The following SIPA1L1 variants were observed in gnomAD, a reference collection of about 807,000 sequenced individuals.
SIPA1L1 encodes signal-induced proliferation-associated 1-like protein 1.
In SIPA1L1, 26 loss-of-function variants were observed where a neutral mutation model predicts 162.7. The ratio of observed to expected loss-of-function variants is 0.16; its 90% CI spans 0.12 to 0.22. SIPA1L1 has a LOEUF of 0.22. Among genes scored for constraint, SIPA1L1 ranks in the 10% least tolerant of loss-of-function variants. The pLI, the probability that SIPA1L1 is intolerant of heterozygous loss-of-function variation, is 1.00. For missense variants in SIPA1L1, 1,874 were observed against 2,241.0 expected (o/e 0.84, Z 3.31); for synonymous variants, 829 against 837.4 (o/e 0.99, Z 0.17).
chr14:71,543,209 T>C (rs2054633657), intron 4 of SIPA1L1, among the ~76,000 whole-genome samples: 1 of 152,224 alleles, frequency 6.6e-6, no homozygotes, highest in Non-Finnish European at 1.5e-5. Context: ...CCCATCACTC[T>C]TTTTTATCTT....
chr14:71,602,840 T>C (rs905829077), intron 5 of SIPA1L1, among the ~76,000 whole-genome samples: 3 of 152,218 alleles, frequency 2.0e-5, no homozygotes, highest in Non-Finnish European at 2.9e-5. Context: ...GAACTGCACA[T>C]GCGAGGGATC....
chr14:71,502,364 G>A (rs1003197582), intron 2 of SIPA1L1, among the ~76,000 whole-genome samples: 5 of 149,994 alleles, frequency 3.3e-5, no homozygotes, highest in African/African-American at 7.4e-5. Context: ...TCAGCCTCCC[G>A]AGTAGCTGAG....
At chr14:71,511,949 T>C (rs1040702378) in intron 2 of SIPA1L1, among the ~76,000 whole-genome samples, 4 of 152,194 alleles carry the variant, frequency 2.6e-5, no homozygotes, top group African/African-American at 9.7e-5. Context: ...TACCCCACGA[T>C]ATGCATCTTC....
intron 13 of SIPA1L1, among the ~76,000 whole-genome samples, chr14:71,696,376 T>C (rs911441629): frequency 4.6e-5 from 7 of 152,268 alleles, no homozygotes; most frequent in African/African-American, 1.4e-4. Context: ...ATATGTAAGA[T>C]GGATGATACT....
At chr14:71,623,672 C>A (rs2039676103) in intron 6 of SIPA1L1, among the ~76,000 whole-genome samples, 2 of 152,164 alleles carry the variant, frequency 1.3e-5, no homozygotes, top group South Asian at 4.1e-4. Flanking sequence ...ATTTATTCTT[C>A]AGACATTGCT....
At chr14:71,610,866 C>T (rs1347943208) in intron 5 of SIPA1L1, among the ~76,000 whole-genome samples, 6 of 152,148 alleles carry the variant, frequency 3.9e-5, no homozygotes, top group African/African-American at 1.4e-4. Context: ...AATACATCAC[C>T]CCACTTTTTA....
chr14:71,683,358 G>T (rs1281426546), intron 12 of SIPA1L1, among the ~76,000 whole-genome samples: 5 of 152,166 alleles, frequency 3.3e-5, no homozygotes, highest in Non-Finnish European at 7.3e-5. Flanking sequence ...GATGTTCTTT[G>T]AGTTTACAAG....
At position 71,598,678 on chromosome 14, in the gene SIPA1L1, A is replaced by G. The variant is rs189079099; in HGVS notation, c.1498+9308A>G. 9.9e-4 allele frequency among the ~76,000 whole-genome samples: 151 copies of G among 152,298 alleles called. 1 individual carries two copies. The highest frequency in any genetic ancestry group is 1.6e-3 in the Admixed American group (25 of 15,302). Reference sequence around the variant, plus strand: ...CTGAATGGGATTGGGGGGATTGCACATAGTGGAAACACTGGTGAAATTCGA... The same window carrying G: ...CTGAATGGGATTGGGGGGATTGCACGTAGTGGAAACACTGGTGAAATTCGA... On this transcript the variant is annotated intron_variant, in intron 5 of 23. Coordinates refer to ENST00000381232, the MANE Select transcript of SIPA1L1 (RefSeq NM_001386936.1).
intron 2 of SIPA1L1, among the ~76,000 whole-genome samples, chr14:71,416,873 T>G (rs1402179175): frequency 6.6e-6 from 1 of 152,204 alleles, no homozygotes; most frequent in Non-Finnish European, 1.5e-5. Flanking sequence ...CTGAATTGAA[T>G]AAGCATACTT....
intron 3 of SIPA1L1, among the ~76,000 whole-genome samples, chr14:71,517,031 G>T (rs911132912): frequency 4.6e-5 from 7 of 151,980 alleles, no homozygotes; most frequent in African/African-American, 1.5e-4. Flanking sequence ...AGTGTGAATG[G>T]TGCTTTCTCA....
At chr14:71,671,762 A>G in intron 11 of SIPA1L1, 70 bp downstream of exon 11, 1 of 1,169,566 alleles carries the variant, frequency 8.6e-7, no homozygotes, top group Non-Finnish European at 1.2e-6. Flanking sequence ...GACTAGAGCC[A>G]AGTTACTGAA....
chr14:71,341,381 T>C (rs150712350), intron 2 of SIPA1L1, among the ~76,000 whole-genome samples: 2 of 152,364 alleles, frequency 1.3e-5, no homozygotes, highest in African/African-American at 2.4e-5. Context: ...TGTCATCTTG[T>C]CCTTGACTTC....
At chr14:71,696,159 A>C (rs1334575433) in intron 13 of SIPA1L1, among the ~76,000 whole-genome samples, 3 of 152,194 alleles carry the variant, frequency 2.0e-5, no homozygotes, top group Non-Finnish European at 2.9e-5. Context: ...GAGATCTGGC[A>C]ACCTAATTAC....
At chr14:71,409,933 G>C (rs2042290352) in intron 2 of SIPA1L1, among the ~76,000 whole-genome samples, 1 of 152,088 alleles carries the variant, frequency 6.6e-6, no homozygotes, top group African/African-American at 2.4e-5. Flanking sequence ...TGCTTTTTGG[G>C]CTGCCTTGTC....
In SIPA1L1 at chr14:71,590,021, TAAAAAAAAAAAAAAA is replaced by T. The variant is rs200463823; in HGVS notation, c.1498+661_1498+675del. The stretch of plus-strand genomic sequence containing the variant: ...CTAATCTTTTCTTTGAGTGGGAGAG[TAAAAAAAAAAAAAAA>T]AAAAAAAAATATATATATATATATA... On this transcript the variant is annotated intron_variant, in intron 5 of 23. Transcript: ENST00000381232. Among the ~76,000 whole-genome samples, 141 of 85,084 alleles carry T rather than the reference TAAAAAAAAAAAAAAA, an allele frequency of 1.7e-3. 1 individual carries two copies. Among genetic ancestry groups the T allele is most frequent in the East Asian group, 3.3e-3 (9 of 2,704 alleles). 55.8% of individuals were successfully genotyped at this position (85,084 alleles called of 152,430 possible).
At position 71,730,016 on chromosome 14, in the gene SIPA1L1, A is replaced by C. The variant is rs200562070; in HGVS notation, c.4615-39A>C. 5.6e-5 allele frequency: 90 copies of C among 1,595,092 alleles called. No homozygotes were observed. In the African/African-American group the frequency reaches 6.2e-4, roughly 11 times the overall value. ...AACCTTGGTCTCAGGGATCTGAACCAGAAAATTGACTTTCTTTTGTCTTGA... is the reference window on the plus strand; with the variant it reads ...AACCTTGGTCTCAGGGATCTGAACCCGAAAATTGACTTTCTTTTGTCTTGA... On this transcript the variant is annotated intron_variant, in intron 19 of 23. Transcript: ENST00000381232.
chr14:71,333,038 C>T (rs945924756), intron 2 of SIPA1L1, among the ~76,000 whole-genome samples: 1 of 152,164 alleles, frequency 6.6e-6, no homozygotes, highest in African/African-American at 2.4e-5. Context: ...TCATTCTGAG[C>T]TGAAACCAAT....
chr14:71,508,188 A>T (rs1436495483), intron 2 of SIPA1L1, among the ~76,000 whole-genome samples: 1 of 152,222 alleles, frequency 6.6e-6, no homozygotes, highest in Non-Finnish European at 1.5e-5. Flanking sequence ...TTCATTTTAA[A>T]TACATGATTT....
chr14:71,348,378 T>C (rs2036377295), intron 2 of SIPA1L1, among the ~76,000 whole-genome samples: 1 of 152,262 alleles, frequency 6.6e-6, no homozygotes, highest in Non-Finnish European at 1.5e-5. Flanking sequence ...TGTTTTCTTT[T>C]GTACCTGGTT....
Sources: allele counts gnomAD v4.1 joint callset (sites outside exome capture counted in the v4.1 genomes callset), GRCh38; gene constraint gnomAD v4.1.1; transcripts MANE v1.5; gene names NCBI Gene and HGNC (gene_info 2026-07-23, HGNC 2026-07-21).